Variants in SPIRE1 observed in about 807,000 individuals in gnomAD.
SPIRE1 encodes the protein protein spire homolog 1.
Under a neutral mutation model 94.1 loss-of-function variants are expected in SPIRE1, and 40 were observed. The observed-to-expected ratio is 0.43, with a 90% CI of 0.33 to 0.55. SPIRE1 has a LOEUF of 0.55. Among genes scored for constraint, SPIRE1 ranks in the 20% least tolerant of loss-of-function variants. The pLI, the probability that SPIRE1 is intolerant of heterozygous loss-of-function variation, is 0.06. For missense variants in SPIRE1, 838 were observed against 975.2 expected (o/e 0.86, Z 1.87); for synonymous variants, 376 against 371.7 (o/e 1.01, Z -0.13).
intron 9 of SPIRE1, among the ~76,000 whole-genome samples, chr18:12,484,096 T>C (rs2032947139): frequency 6.6e-6 from 1 of 152,088 alleles, no homozygotes; most frequent in South Asian, 2.1e-4. Context: ...AACATACCTA[T>C]AGATGAGGTG....
intron 13 of SPIRE1, among the ~76,000 whole-genome samples, chr18:12,453,421 T>C (rs2031340508): frequency 6.9e-6 from 1 of 145,352 alleles, no homozygotes; most frequent in Admixed American, 7.2e-5. Flanking sequence ...CCCTCCTCTG[T>C]TTCTCAGATA....
At chr18:12,569,280 G>A (rs1388592509) in intron 2 of SPIRE1, among the ~76,000 whole-genome samples, 3 of 150,422 alleles carry the variant, frequency 2.0e-5, no homozygotes, top group Non-Finnish European at 4.4e-5. Context: ...GAGGGAGCTT[G>A]CAGTGAGCTG....
chr18:12,503,608 T>G (rs925480220), intron 6 of SPIRE1, among the ~76,000 whole-genome samples: 4 of 151,488 alleles, frequency 2.6e-5, no homozygotes, highest in Non-Finnish European at 1.5e-5. Flanking sequence ...ATATGTTGGG[T>G]TTTTTTCCCC....
rs201515381 is a variant in SPIRE1 at position 12,473,684 on chromosome 18, ATAAT to A, written c.1404+6011_1404+6014del. On this transcript the variant is annotated intron_variant, in intron 10 of 16. Transcript: ENST00000409402. Reference sequence around the variant, plus strand: ...GTTGAGTTTGTAATTGATAATGTAAATAATTAACATCATTCTAATTTCATGAGTA... The same window carrying A: ...GTTGAGTTTGTAATTGATAATGTAAATAACATCATTCTAATTTCATGAGTA... 6.6e-3 allele frequency among the ~76,000 whole-genome samples: 1,000 copies of A among 152,370 alleles called. 13 individuals carry two copies. The highest frequency in any genetic ancestry group is 0.022 in the African/African-American group (908 of 41,586).
At chr18:12,635,179 T>C in intron 1 of SPIRE1, 83 bp from the exon 2 acceptor site, 1 of 733,402 alleles carries the variant, frequency 1.4e-6, no homozygotes. Flanking sequence ...CTTCTCTGGC[T>C]ATGGCTTTAT....
intron 2 of SPIRE1, among the ~76,000 whole-genome samples, chr18:12,574,400 T>G (rs1259279310): frequency 6.6e-6 from 1 of 152,120 alleles, no homozygotes; most frequent in Non-Finnish European, 1.5e-5. Context: ...AATAGGTAGA[T>G]AGAGAAAGTC....
chr18:12,460,737 T>C (rs1157957852), intron 12 of SPIRE1, among the ~76,000 whole-genome samples: 1 of 151,390 alleles, frequency 6.6e-6, no homozygotes, highest in African/African-American at 2.4e-5. Flanking sequence ...TTATCAACAA[T>C]AAAAACATTC....
chr18:12,570,928 A>G (rs1189640050), intron 2 of SPIRE1, among the ~76,000 whole-genome samples: 1 of 152,164 alleles, frequency 6.6e-6, no homozygotes, highest in Non-Finnish European at 1.5e-5. Context: ...GTTTACAGTC[A>G]ACCAGAATGG....
chr18:12,539,443 C>G lies in SPIRE1; in HGVS notation c.604-3842G>C, dbSNP rs148740622. ...CACGTGGAACTGTGAGTCCATTAAA[C>G]CTATTTTTCTTCCCAGTTTTAGGTT... On this transcript the variant is annotated intron_variant, in intron 3 of 16. Transcript: ENST00000409402. Among the ~76,000 whole-genome samples, 433 of 152,206 alleles carry G rather than the reference C, an allele frequency of 2.8e-3. 1 individual carries two copies. The highest frequency in any genetic ancestry group is 0.01 in the African/African-American group (416 of 41,524).
At position 12,557,503 on chromosome 18, in the gene SPIRE1, C is replaced by T. The variant is rs116141515; in HGVS notation, c.373-10599G>A. Among the ~76,000 whole-genome samples the T allele has an allele frequency of 3.1e-3, 479 of 152,244 alleles. 3 individuals carry two copies. The highest frequency in any genetic ancestry group is 0.011 in the African/African-American group (457 of 41,564). On this transcript the variant is annotated intron_variant, in intron 2 of 16. Coordinates refer to ENST00000409402, the MANE Select transcript of SPIRE1 (RefSeq NM_001128626.2). ...CTGGCCCGCGAGCGCCTGGCGCAGA[C>T]CCAGTTCCCGCCCACACCTCTCTCT...
At chr18:12,561,401 C>T (rs1206298133) in intron 2 of SPIRE1, among the ~76,000 whole-genome samples, 1 of 151,940 alleles carries the variant, frequency 6.6e-6, no homozygotes. Flanking sequence ...TCCCGAGTAG[C>T]TGGGATTACA....
chr18:12,571,604 C>T (rs944119514), intron 2 of SPIRE1, among the ~76,000 whole-genome samples: 12 of 152,228 alleles, frequency 7.9e-5, no homozygotes, highest in African/African-American at 2.2e-4. Flanking sequence ...AATGATCTCA[C>T]ATTTTTCCAC....
chr18:12,630,431 G>C (rs537621642), intron 2 of SPIRE1, among the ~76,000 whole-genome samples: 3 of 152,304 alleles, frequency 2.0e-5, no homozygotes, highest in African/African-American at 7.2e-5. Flanking sequence ...GGCTGAGGCA[G>C]GCAGATGACC....
At chr18:12,532,520 T>C (rs1031590354) in intron 4 of SPIRE1, among the ~76,000 whole-genome samples, 9 of 152,178 alleles carry the variant, frequency 5.9e-5, no homozygotes, top group African/African-American at 2.2e-4. Context: ...TTGTTGATAC[T>C]CAATTTTTAA....
At chr18:12,514,481 G>A (rs537453545) in intron 4 of SPIRE1, among the ~76,000 whole-genome samples, 9 of 150,918 alleles carry the variant, frequency 6.0e-5, no homozygotes, top group African/African-American at 1.9e-4. Context: ...TTTGTTCACT[G>A]ATGGGATTCA....
intron 6 of SPIRE1, among the ~76,000 whole-genome samples, chr18:12,497,681 C>A (rs1305501961): frequency 2.0e-5 from 3 of 152,168 alleles, no homozygotes; most frequent in Non-Finnish European, 4.4e-5. Context: ...GATCGAGAAG[C>A]AGAACCAGTG....
chr18:12,582,039 C>T (rs1351683952), intron 2 of SPIRE1, among the ~76,000 whole-genome samples: 2 of 152,218 alleles, frequency 1.3e-5, no homozygotes. Flanking sequence ...AATTTCCTAA[C>T]TCCACAGATG....
At chr18:12,628,171 G>A (rs184231151) in intron 2 of SPIRE1, among the ~76,000 whole-genome samples, 19 of 152,264 alleles carry the variant, frequency 1.2e-4, no homozygotes, top group African/African-American at 4.6e-4. Context: ...TTCTTCTAGG[G>A]TTTTTATAGC....
chr18:12,464,312 C>CCAA (rs1555681354), intron 11 of SPIRE1, among the ~76,000 whole-genome samples: 3 of 151,658 alleles, frequency 2.0e-5, no homozygotes, highest in Admixed American at 6.6e-5. Flanking sequence ...AATAATAAAA[C>CCAA]TACTTAAAGA....
Sources: gnomAD v4.1 joint callset for allele counts (sites outside exome capture counted in the v4.1 genomes callset) on GRCh38, gnomAD v4.1.1 for gene constraint, MANE v1.5 for transcripts, NCBI Gene and HGNC (gene_info 2026-07-23, HGNC 2026-07-21) for gene names.